Variants in AMPH observed in about 807,000 individuals in gnomAD.
AMPH encodes amphiphysin (Stiff-Mann syndrome with breast cancer 128kD autoantigen).
Under a neutral mutation model 99.1 loss-of-function variants are expected in AMPH, and 49 were observed. The observed-to-expected ratio is 0.49, with a 90% CI of 0.39 to 0.63. The LOEUF (loss-of-function observed/expected upper bound fraction) is 0.63. Among genes scored for constraint, AMPH ranks in the 20% least tolerant of loss-of-function variants. The probability of loss-of-function intolerance (pLI) is 0.00; values close to 1 mark genes in which losing one functional copy is unlikely to be tolerated. For synonymous variants in AMPH, 314 were observed against 317.3 expected (o/e 0.99, Z 0.11); for missense variants, 759 against 863.4 (o/e 0.88, Z 1.52).
chr7:38,462,557 G>A (rs1787489391), intron 10 of AMPH, among the ~76,000 whole-genome samples: 1 of 152,084 alleles, frequency 6.6e-6, no homozygotes, highest in South Asian at 2.1e-4. Flanking sequence ...AAATGTCCAG[G>A]TGTACCAAAA....
chr7:38,432,332 CAATAAAA>C, intron 12 of AMPH, 120 bp from the exon 13 acceptor site: 1 of 872,062 alleles, frequency 1.1e-6, no homozygotes, highest in South Asian at 1.6e-5. Flanking sequence ...CAGTACTGTT[CAATAAAA>C]CTTTTTTTGG....
intron 16 of AMPH, among the ~76,000 whole-genome samples, chr7:38,420,182 G>A (rs1328788532): frequency 6.6e-6 from 1 of 152,142 alleles, no homozygotes; most frequent in African/African-American, 2.4e-5. Flanking sequence ...ACTAAATGAT[G>A]AGTAACAATG....
At chr7:38,549,655 T>C (rs1458156475) in intron 1 of AMPH, among the ~76,000 whole-genome samples, 1 of 152,228 alleles carries the variant, frequency 6.6e-6, no homozygotes, top group Non-Finnish European at 1.5e-5. Context: ...CCTTATTTCA[T>C]GTCCACAGGG....
intron 11 of AMPH, among the ~76,000 whole-genome samples, chr7:38,459,792 C>A (rs1787370688): frequency 6.6e-6 from 1 of 151,808 alleles, no homozygotes; most frequent in Admixed American, 6.6e-5. Flanking sequence ...AGGAAAATTG[C>A]ATGGGTAAGA....
intron 1 of AMPH, among the ~76,000 whole-genome samples, chr7:38,607,878 A>C (rs1431490207): frequency 6.6e-6 from 1 of 152,224 alleles, no homozygotes; most frequent in East Asian, 1.9e-4. Flanking sequence ...TATGAAAATT[A>C]CTTAAAACAC....
chr7:38,394,666 C>T (rs1784614708), intron 17 of AMPH, among the ~76,000 whole-genome samples: 1 of 152,172 alleles, frequency 6.6e-6, no homozygotes, highest in Non-Finnish European at 1.5e-5. Flanking sequence ...CGAAAACCAC[C>T]TTCCTTTTGT....
intron 1 of AMPH, among the ~76,000 whole-genome samples, chr7:38,561,141 A>C (rs10226831): frequency 0.91 from 138,152 of 152,250 alleles, 62,735 homozygotes; most frequent in East Asian, 0.97. Flanking sequence ...ACTAACAGGG[A>C]AGGCATATGG....
Position 38,468,947 on chromosome 7 carries a change from G to A in AMPH, c.591-2699C>T, listed in dbSNP as rs549082385. 8.6e-3 allele frequency among the ~76,000 whole-genome samples: 596 copies of A among 68,948 alleles called. 120 individuals carry two copies. Among genetic ancestry groups the A allele is most frequent in the Middle Eastern group, 0.014 (2 of 142 alleles). The allele number at this position is 68,948 out of a possible 152,430, so 45.2% of individuals were successfully genotyped here. A position where few individuals can be genotyped will look rare whatever the true frequency, so the allele number is the denominator to read the frequency against. On this transcript the variant is annotated intron_variant, in intron 7 of 20. Coordinates refer to ENST00000356264, the MANE Select transcript of AMPH (RefSeq NM_001635.4). The stretch of plus-strand genomic sequence containing the variant: ...AGGCGGGTGGATCACGAGGTCAGGA[G>A]ATCGAGACCATCCCGGCTAAAACGG...
At chr7:38,589,207 G>A (rs1348596412) in intron 1 of AMPH, among the ~76,000 whole-genome samples, 2 of 152,124 alleles carry the variant, frequency 1.3e-5, no homozygotes, top group Non-Finnish European at 1.5e-5. Flanking sequence ...CTGCAAGTGT[G>A]AGCAGAACAC....
Position 38,460,830 on chromosome 7 carries a change from G to A in AMPH, c.1017+453C>T, listed in dbSNP as rs542293155. Among the ~76,000 whole-genome samples, 11 of 152,226 alleles carry A rather than the reference G, an allele frequency of 7.2e-5. No individual in the cohort carries two copies. The South Asian group carries it at 2.1e-3, about 29-fold the overall frequency. ...ACTGTAGTCAGCAACACTGTATTAG[G>A]TATTTCAAAGTAGCTAGAAGAGACG... On this transcript the variant is annotated intron_variant, in intron 11 of 20. Coordinates refer to ENST00000356264, the MANE Select transcript of AMPH (RefSeq NM_001635.4).
At chr7:38,567,030 C>T (rs1036280810) in intron 1 of AMPH, among the ~76,000 whole-genome samples, 1 of 152,144 alleles carries the variant, frequency 6.6e-6, no homozygotes, top group African/African-American at 2.4e-5. Flanking sequence ...CCAGCAATCC[C>T]ATTACTGGAC....
At chr7:38,610,709 G>A (rs1793654711) in intron 1 of AMPH, among the ~76,000 whole-genome samples, 1 of 152,118 alleles carries the variant, frequency 6.6e-6, no homozygotes, top group East Asian at 1.9e-4. Flanking sequence ...GTAATTGGAA[G>A]AGACACATTT....
chr7:38,466,260 A>T lies in AMPH; in HGVS notation c.591-12T>A. ...AAAATCCAACTCGTCTGCCATGTGG[A>T]AACACAAAGAGGAAAGAAGAGAGAG... On this transcript the variant is annotated splice_polypyrimidine_tract_variant and intron_variant, in intron 7 of 20. Coordinates refer to ENST00000356264, the MANE Select transcript of AMPH (RefSeq NM_001635.4). The T allele has an allele frequency of 1.3e-6, 2 of 1,583,076 alleles. No individual in the cohort carries two copies. The highest frequency in any genetic ancestry group is 1.7e-6 in the Non-Finnish European group (2 of 1,168,960).
At chr7:38,581,848 C>A (rs1044663556) in intron 1 of AMPH, among the ~76,000 whole-genome samples, 3 of 152,072 alleles carry the variant, frequency 2.0e-5, no homozygotes, top group African/African-American at 4.8e-5. Flanking sequence ...ACTGAGCAAC[C>A]TGAAAGATGG....
intron 11 of AMPH, among the ~76,000 whole-genome samples, chr7:38,449,224 G>A (rs1439192807): frequency 6.6e-6 from 1 of 152,168 alleles, no homozygotes; most frequent in Admixed American, 6.5e-5. Flanking sequence ...TGGATACTAA[G>A]GATAGAAAGA....
chr7:38,501,256 T>A (rs1584174307), intron 3 of AMPH, among the ~76,000 whole-genome samples: 2 of 152,180 alleles, frequency 1.3e-5, no homozygotes, highest in Non-Finnish European at 2.9e-5. Flanking sequence ...AGTGGCATGA[T>A]CTCCACTCAC....
At chr7:38,449,701 T>C (rs1786931691) in intron 11 of AMPH, among the ~76,000 whole-genome samples, 1 of 152,202 alleles carries the variant, frequency 6.6e-6, no homozygotes, top group Non-Finnish European at 1.5e-5. Flanking sequence ...CACTGTGTGG[T>C]TTTTCTTCCT....
intron 20 of AMPH, among the ~76,000 whole-genome samples, chr7:38,385,522 G>A (rs1452450280): frequency 6.6e-6 from 1 of 152,186 alleles, no homozygotes; most frequent in Non-Finnish European, 1.5e-5. Context: ...AAAGCTAGAT[G>A]TGTGTTGCCT....
intron 18 of AMPH, among the ~76,000 whole-genome samples, chr7:38,392,377 C>CTTTTTTTT (rs574057389): frequency 0.014 from 588 of 42,046 alleles, 77 homozygotes; most frequent in Middle Eastern, 0.028. Context: ...CGGCCTGGTT[C>CTTTTTTTT]TTTTTTTTTT....
Sources: gnomAD v4.1 joint callset for allele counts (sites outside exome capture counted in the v4.1 genomes callset) on GRCh38, gnomAD v4.1.1 for gene constraint, MANE v1.5 for transcripts, NCBI Gene and HGNC (gene_info 2026-07-23, HGNC 2026-07-21) for gene names.